The following MECOM variants were observed in gnomAD, a reference collection of about 807,000 sequenced individuals.
MECOM encodes the protein MDS1 and EVI1 complex locus, also known as histone-lysine N-methyltransferase MECOM.
A neutral mutation model predicts 116.3 loss-of-function variants in MECOM; 13 were observed. That is an observed-to-expected ratio of 0.11 (90% CI 0.07 to 0.18). The LOEUF is 0.18. MECOM is among the 10% of genes least tolerant of loss of function. The pLI is 1.00. For missense variants in MECOM, 1,299 were observed against 1,509.0 expected (o/e 0.86, Z 2.31); for synonymous variants, 528 against 535.2 (o/e 0.99, Z 0.19).
chr3:169,479,194 C>T (rs187373588), intron 1 of MECOM, among the ~76,000 whole-genome samples: 37 of 152,016 alleles, frequency 2.4e-4, no homozygotes, highest in South Asian at 1.2e-3. Flanking sequence ...ATCTAACATA[C>T]GCTAGGGTCT....
At chr3:169,159,013 C>T (rs1742429076) in intron 2 of MECOM, among the ~76,000 whole-genome samples, 1 of 152,162 alleles carries the variant, frequency 6.6e-6, no homozygotes, top group Non-Finnish European at 1.5e-5. Context: ...CTCCCATGGC[C>T]TTTCACAGGG....
intron 1 of MECOM, among the ~76,000 whole-genome samples, chr3:169,616,992 C>T (rs1770093874): frequency 6.6e-6 from 1 of 152,190 alleles, no homozygotes; most frequent in African/African-American, 2.4e-5. Context: ...TTCTCCAATT[C>T]CTTGTAAGTC....
At chr3:169,124,516 A>G (rs1022901643) in intron 5 of MECOM, among the ~76,000 whole-genome samples, 3 of 150,356 alleles carry the variant, frequency 2.0e-5, no homozygotes, top group African/African-American at 7.3e-5. Context: ...AGTAAACTTT[A>G]TAACTGAGGA....
chr3:169,550,110 G>A (rs1337985743), intron 1 of MECOM, among the ~76,000 whole-genome samples: 1 of 152,096 alleles, frequency 6.6e-6, no homozygotes, highest in East Asian at 1.9e-4. Flanking sequence ...AAGGAATTAG[G>A]GTAAAGGAAG....
At chr3:169,183,757 TACATACACACACACACACACACACAC>T (rs1321535916) in intron 2 of MECOM, among the ~76,000 whole-genome samples, 27 of 84,580 alleles carry the variant, frequency 3.2e-4, no homozygotes, top group African/African-American at 9.4e-4. Context: ...AGAAGATACA[TACATACACACACACACACACACACAC>T]ACACACACAC....
intron 1 of MECOM, among the ~76,000 whole-genome samples, chr3:169,415,674 G>A (rs1253507639): frequency 6.6e-6 from 1 of 151,856 alleles, no homozygotes; most frequent in East Asian, 1.9e-4. Flanking sequence ...CAAAATAAAG[G>A]GGCAGAGGAA....
At chr3:169,628,943 C>T (rs1036484545) in intron 1 of MECOM, among the ~76,000 whole-genome samples, 2 of 152,068 alleles carry the variant, frequency 1.3e-5, no homozygotes, top group Non-Finnish European at 2.9e-5. Flanking sequence ...TTAGGATAAA[C>T]ATCCTACACC....
At chr3:169,436,441 G>A (rs1253827082) in intron 1 of MECOM, among the ~76,000 whole-genome samples, 1 of 151,886 alleles carries the variant, frequency 6.6e-6, no homozygotes, top group Non-Finnish European at 1.5e-5. Flanking sequence ...TTAGAGACGG[G>A]GTTTCTCTGT....
At chr3:169,146,091 T>G (rs1261973784) in intron 2 of MECOM, 2 of 315,046 alleles carry the variant, frequency 6.3e-6, no homozygotes, top group Non-Finnish European at 1.0e-5. Context: ...TTCAGTCATT[T>G]CATATAACAC....
intron 2 of MECOM, among the ~76,000 whole-genome samples, chr3:169,184,105 C>T (rs1286719426): frequency 1.3e-5 from 2 of 152,070 alleles, no homozygotes; most frequent in Non-Finnish European, 2.9e-5. Context: ...ATCTCGTGAA[C>T]CACCTGCCTC....
chr3:169,405,243 C>T (rs1208197900), intron 1 of MECOM, among the ~76,000 whole-genome samples: 2 of 152,072 alleles, frequency 1.3e-5, no homozygotes, highest in East Asian at 3.9e-4. Flanking sequence ...CTTTCCCTCC[C>T]TCCTTCTCTC....
chr3:169,288,253 T>C (rs74931008), intron 2 of MECOM, among the ~76,000 whole-genome samples: 3,536 of 152,026 alleles, frequency 0.023, 90 homozygotes, highest in East Asian at 0.13. Flanking sequence ...TCTTGATAAT[T>C]TACTTTGAAC....
At chr3:169,105,383 T>C (rs1725043587) in intron 10 of MECOM, among the ~76,000 whole-genome samples, 1 of 152,200 alleles carries the variant, frequency 6.6e-6, no homozygotes, top group African/African-American at 2.4e-5. Context: ...TCTCTCTTGC[T>C]ATCTGGTCTG....
At chr3:169,097,336 G>A (rs560680248) in intron 12 of MECOM, among the ~76,000 whole-genome samples, 46 of 151,802 alleles carry the variant, frequency 3.0e-4, no homozygotes, top group Non-Finnish European at 5.6e-4. Context: ...CTAAAGTCTT[G>A]GCCAGAAAAA....
At chr3:169,278,422 T>C (rs1242405728) in intron 2 of MECOM, among the ~76,000 whole-genome samples, 1 of 152,242 alleles carries the variant, frequency 6.6e-6, no homozygotes, top group African/African-American at 2.4e-5. Context: ...GAATATAAAC[T>C]TTAAACCACA....
At chr3:169,144,543 A>G (rs1156284325) in intron 2 of MECOM, among the ~76,000 whole-genome samples, 2 of 152,166 alleles carry the variant, frequency 1.3e-5, no homozygotes, top group Non-Finnish European at 2.9e-5. Context: ...AACTGCCATC[A>G]TTAGGTATAC....
At chr3:169,237,842 G>A (rs1262415978) in intron 2 of MECOM, among the ~76,000 whole-genome samples, 1 of 151,862 alleles carries the variant, frequency 6.6e-6, no homozygotes, top group Non-Finnish European at 1.5e-5. Flanking sequence ...TTTCTATATT[G>A]GTACTTAACT....
At chr3:169,601,997 T>C (rs992147806) in intron 1 of MECOM, among the ~76,000 whole-genome samples, 2 of 152,060 alleles carry the variant, frequency 1.3e-5, no homozygotes, top group African/African-American at 4.8e-5. Flanking sequence ...ATAAATACCA[T>C]CCCCCTTCAA....
chr3:169,233,124 C>T (rs1047935958), intron 2 of MECOM, among the ~76,000 whole-genome samples: 6 of 152,058 alleles, frequency 3.9e-5, no homozygotes, highest in African/African-American at 1.4e-4. Flanking sequence ...AAGATAGTGA[C>T]GTCTGATACT....
Sources: gnomAD v4.1 joint callset for allele counts (sites outside exome capture counted in the v4.1 genomes callset) on GRCh38, gnomAD v4.1.1 for gene constraint, MANE v1.5 for transcripts, NCBI Gene and HGNC (gene_info 2026-07-23, HGNC 2026-07-21) for gene names.